The following ANLN variants were observed in gnomAD, a reference collection of about 807,000 sequenced individuals.
The protein encoded by ANLN is anillin, actin binding protein, also known as anillin.
Under a neutral mutation model 135.1 loss-of-function variants are expected in ANLN, and 59 were observed. The ratio of observed to expected loss-of-function variants is 0.44; its 90% CI spans 0.35 to 0.54. The LOEUF (loss-of-function observed/expected upper bound fraction) is 0.54, where lower values mean the gene tolerates loss of function less well. Among genes scored for constraint, ANLN ranks in the 20% least tolerant of loss-of-function variants. The pLI is 0.00. For synonymous variants in ANLN, 406 were observed against 456.4 expected, an observed-to-expected ratio of 0.89 and a Z score of 1.41; for missense variants, 1,182 against 1,340.0, an observed-to-expected ratio of 0.88 and a Z score of 1.84.
intron 23 of ANLN, among the ~76,000 whole-genome samples, chr7:36,450,611 C>T (rs1036659202): frequency 6.6e-6 from 1 of 152,116 alleles, no homozygotes; most frequent in African/African-American, 2.4e-5. Flanking sequence ...TTTAAAATAG[C>T]TAGATAGAGG....
At chr7:36,440,288 A>G (rs993788922) in intron 21 of ANLN, among the ~76,000 whole-genome samples, 10 of 152,186 alleles carry the variant, frequency 6.6e-5, no homozygotes, top group Non-Finnish European at 1.3e-4. Context: ...AGGGAGAGAA[A>G]CGGAGAATCT....
chr7:36,413,989 G>A (rs57572953), intron 7 of ANLN, among the ~76,000 whole-genome samples: 19,043 of 144,750 alleles, frequency 0.13, 1,227 homozygotes, highest in East Asian at 0.19. Context: ...GTGAGACTCC[G>A]TCTCAAAAAA....
intron 20 of ANLN, among the ~76,000 whole-genome samples, chr7:36,428,560 G>A (rs1030374633): frequency 2.0e-5 from 3 of 151,840 alleles, no homozygotes; most frequent in Non-Finnish European, 2.9e-5. Context: ...TTCTTTGAAA[G>A]TTTTCTATTT....
chr7:36,410,341 G>A (rs1270079006), intron 5 of ANLN, among the ~76,000 whole-genome samples, 173 bp from the exon 6 acceptor site: 2 of 151,434 alleles, frequency 1.3e-5, no homozygotes, highest in African/African-American at 4.9e-5. Context: ...TACTTAAATA[G>A]AATAGTAAAC....
At chr7:36,414,866 T>C (rs1484368394) in intron 7 of ANLN, among the ~76,000 whole-genome samples, 1 of 152,232 alleles carries the variant, frequency 6.6e-6, no homozygotes, top group African/African-American at 2.4e-5. Flanking sequence ...ACTAACTGTG[T>C]GCAAGATACT....
rs568098556 is a variant in ANLN at position 36,425,564 on chromosome 7, G to A, written c.2710-138G>A. On this transcript the variant is annotated intron_variant, in intron 17 of 23. Transcript: ENST00000265748. ...CCGCCTCAGCCTCCCAAAGTGATGG[G>A]ATTACAGGCGTGAGCCACTGCTCCC... is the stretch of plus-strand genomic sequence containing the variant. 61 of 692,644 alleles carry A rather than the reference G, an allele frequency of 8.8e-5. 2 individuals are homozygous for A. In the South Asian group the frequency reaches 1.2e-3, roughly 14 times the overall value. 42.9% of individuals were successfully genotyped at this position (692,644 alleles called of 1,614,324 possible). A position where few individuals can be genotyped will look rare whatever the true frequency, so the allele number is the denominator to read the frequency against.
chr7:36,453,739 A>C lies in ANLN; in HGVS notation c.*1139A>C, dbSNP rs1227314390. ...TATTTTTTCTTGTGCATATTATAAA[A>C]ATATATTTTATGAGCTCTTACTCAA... On this transcript the variant is annotated 3_prime_UTR_variant, in exon 24 of 24. Coordinates refer to ENST00000265748, the MANE Select transcript of ANLN (RefSeq NM_018685.5). 6.6e-6 allele frequency: 1 copy of C among 152,560 alleles called. No individual in the cohort carries two copies. The highest frequency in any genetic ancestry group is 1.5e-5 in the Non-Finnish European group (1 of 68,038). The allele number at this position is 152,560 out of a possible 1,614,324, so 9.5% of individuals were successfully genotyped here. A position where few individuals can be genotyped will look rare whatever the true frequency, so the allele number is the denominator to read the frequency against.
At chr7:36,413,688 G>A (rs182918903) in intron 7 of ANLN, among the ~76,000 whole-genome samples, 1 of 152,196 alleles carries the variant, frequency 6.6e-6, no homozygotes, top group East Asian at 1.9e-4. Flanking sequence ...GTAGTTGAAG[G>A]CAGTGTCTTT....
At chr7:36,418,760 T>C (rs1787751095) in intron 9 of ANLN, among the ~76,000 whole-genome samples, 1 of 151,706 alleles carries the variant, frequency 6.6e-6, no homozygotes, top group Non-Finnish European at 1.5e-5. Context: ...TTTTCTTTTT[T>C]TTTTTTGTCT....
intron 1 of ANLN, among the ~76,000 whole-genome samples, chr7:36,393,996 T>TA (rs1786588217): frequency 6.6e-6 from 1 of 152,122 alleles, no homozygotes; most frequent in Non-Finnish European, 1.5e-5. Flanking sequence ...CTCACTCTGT[T>TA]ACCCAGGCTG....
chr7:36,429,632 A>G (rs926647098), intron 20 of ANLN, among the ~76,000 whole-genome samples: 2 of 152,236 alleles, frequency 1.3e-5, no homozygotes, highest in Non-Finnish European at 2.9e-5. Context: ...AATTCTTAAA[A>G]TAGGATTTGC....
chr7:36,412,322 TATATA>T (rs1324155310), intron 7 of ANLN, among the ~76,000 whole-genome samples: 1 of 115,838 alleles, frequency 8.6e-6, no homozygotes, highest in Admixed American at 9.2e-5. Flanking sequence ...TATATATATA[TATATA>T]TTTTTTTTTT....
intron 2 of ANLN, among the ~76,000 whole-genome samples, chr7:36,398,725 A>G (rs1786809416): frequency 6.6e-6 from 1 of 152,108 alleles, no homozygotes; most frequent in Admixed American, 6.5e-5. Flanking sequence ...CCCGAGCAGT[A>G]TACACTGCAC....
intron 1 of ANLN, 69 bp from the exon 2 acceptor site, chr7:36,396,197 G>T: frequency 7.3e-7 from 1 of 1,363,004 alleles, no homozygotes; most frequent in South Asian, 1.7e-5. Context: ...GGTGATTTTA[G>T]AAGATACTGC....
chr7:36,399,628 C>G (rs1315218120), intron 3 of ANLN, among the ~76,000 whole-genome samples: 1 of 152,172 alleles, frequency 6.6e-6, no homozygotes, highest in African/African-American at 2.4e-5. Flanking sequence ...GATCTTATAA[C>G]TGTATTACCT....
intron 7 of ANLN, among the ~76,000 whole-genome samples, chr7:36,414,731 A>G (rs1316669609): frequency 6.6e-6 from 1 of 152,130 alleles, no homozygotes; most frequent in East Asian, 1.9e-4. Context: ...TTTTTAATCC[A>G]CTCATCTGCA....
In ANLN at chr7:36,420,888, A is replaced by T. The variant is rs960721342; in HGVS notation, c.2163+144A>T. The T allele has an allele frequency of 4.2e-6, 3 of 719,718 alleles. No individual in the cohort carries two copies. The Admixed American group carries it at 8.9e-5, about 21-fold the overall frequency. 44.6% of individuals were successfully genotyped at this position (719,718 alleles called of 1,614,324 possible). ...GATGCATAGAAGCTCAGTAAATCAC[A>T]TTTGAATTCAGTTTATTTTTGGAAA... On this transcript the variant is annotated intron_variant, in intron 12 of 23. Transcript: ENST00000265748.
intron 21 of ANLN, among the ~76,000 whole-genome samples, chr7:36,440,408 G>A (rs527959883): frequency 1.3e-5 from 2 of 152,206 alleles, no homozygotes; most frequent in South Asian, 4.1e-4. Flanking sequence ...TCTGGCGCAG[G>A]TGAGGGCAGA....
rs70977145 is a variant in ANLN, at chr7:36,445,161, C to CTTTTTT, written c.3078+1321_3078+1326dup. On this transcript the variant is annotated intron_variant, in intron 22 of 23. Coordinates refer to ENST00000265748, the MANE Select transcript of ANLN (RefSeq NM_018685.5). ...TTAGAGGCGTTTCAGATTTGGGATT[C>CTTTTTT]TTTTTTTTTTTTTTTTTTTTTTTTT... Among the ~76,000 whole-genome samples the CTTTTTT allele has an allele frequency of 3.3e-4, 19 of 57,824 alleles. 2 individuals carry two copies. The highest frequency in any genetic ancestry group is 1.3e-3 in the African/African-American group (19 of 14,672). The allele number at this position is 57,824 out of a possible 152,430, so 37.9% of individuals were successfully genotyped here. A position where few individuals can be genotyped will look rare whatever the true frequency, so the allele number is the denominator to read the frequency against.
Sources: gnomAD v4.1 joint callset for allele counts (sites outside exome capture counted in the v4.1 genomes callset) on GRCh38, gnomAD v4.1.1 for gene constraint, MANE v1.5 for transcripts, NCBI Gene and HGNC (gene_info 2026-07-23, HGNC 2026-07-21) for gene names.